The following STAB1 variants were observed in gnomAD, a reference collection of about 807,000 sequenced individuals.
The protein encoded by STAB1 is stabilin 1.
Under a neutral mutation model 332.4 loss-of-function variants are expected in STAB1, and 250 were observed. That is an observed-to-expected ratio of 0.75 (90% CI 0.68 to 0.84). STAB1 has a LOEUF of 0.84. STAB1 is among the 40% of genes least tolerant of loss of function. STAB1 has a pLI of 0.00. For missense variants in STAB1, 3,249 were observed against 3,489.7 expected (o/e 0.93, Z 1.74); for synonymous variants, 1,475 against 1,390.4 (o/e 1.06, Z -1.35).
intron 21 of STAB1, 34 bp from the exon 22 acceptor site, chr3:52,509,176 C>A: frequency 6.2e-7 from 1 of 1,601,336 alleles, no homozygotes; most frequent in South Asian, 1.1e-5. Flanking sequence ...AGTCCCTTTC[C>A]CATGACTGAT....
chr3:52,498,406 C>T (rs1017449819), intron 1 of STAB1, among the ~76,000 whole-genome samples: 10 of 152,210 alleles, frequency 6.6e-5, no homozygotes, highest in African/African-American at 1.7e-4. Flanking sequence ...GGGCTCAGAC[C>T]GCCGATGCTC....
chr3:52,519,641 T>C, intron 50 of STAB1, 77 bp downstream of exon 50: 2 of 1,565,336 alleles, frequency 1.3e-6, no homozygotes, highest in Non-Finnish European at 1.8e-6. Flanking sequence ...TGCGTACCTG[T>C]GTGTGCATAC....
At chr3:52,513,661 A>T in intron 30 of STAB1, 56 bp from the exon 31 acceptor site, 1 of 1,558,504 alleles carries the variant, frequency 6.4e-7, no homozygotes, top group South Asian at 1.1e-5. Flanking sequence ...GGGCTGCCCC[A>T]CCTTTAAGGG....
intron 44 of STAB1, 39 bp downstream of exon 44, chr3:52,517,663 G>C: frequency 9.3e-6 from 15 of 1,605,830 alleles, no homozygotes; most frequent in Non-Finnish European, 1.3e-5. Flanking sequence ...CTGACGAGAA[G>C]GAGAGGGGAC....
chr3:52,503,306 G>A (rs759272363), intron 7 of STAB1, 38 bp from the exon 8 acceptor site: 2 of 1,576,404 alleles, frequency 1.3e-6, no homozygotes, highest in African/African-American at 2.7e-5. Context: ...GGGCTCCTGG[G>A]TGCTTGGCTC....
rs1708855957 is a variant in STAB1 at position 52,506,269 on chromosome 3, T to C, written c.1830+19T>C. 1 of 1,602,886 alleles carries C rather than the reference T, an allele frequency of 6.2e-7. No homozygotes were observed. Among genetic ancestry groups the C allele is most frequent in the African/African-American group, 1.3e-5 (1 of 74,718 alleles). On this transcript the variant is annotated intron_variant, in intron 17 of 68. Coordinates refer to ENST00000321725, the MANE Select transcript of STAB1 (RefSeq NM_015136.3). The stretch of plus-strand genomic sequence containing the variant: ...TGAGGAGGTGAGGTGCACGGACACC[T>C]GGGCGGATGGTGGGGCTGGCGGTGA...
In STAB1 at chr3:52,503,986, G is replaced by A. The variant is rs756834011; in HGVS notation, c.1023-42G>A. ...AAGGCGTGGGGGGTGCGGTGGGGGG[G>A]GCCTCAGCCTCCGCCCTGACTGGCT... On this transcript the variant is annotated intron_variant, in intron 9 of 68. Transcript: ENST00000321725. The A allele has an allele frequency of 7.5e-6, 12 of 1,609,822 alleles. No individual in the cohort carries two copies. The East Asian group carries it at 8.9e-5, about 12-fold the overall frequency.
chr3:52,495,482 CA>C lies in STAB1; in HGVS notation c.70del (p.Arg24GlyfsTer11). The C allele has an allele frequency of 7.5e-7, 1 of 1,339,604 alleles. No homozygotes were observed. The highest frequency in any genetic ancestry group is 9.6e-7 in the Non-Finnish European group (1 of 1,037,906). The allele number at this position is 1,339,604 out of a possible 1,614,324, so 83.0% of individuals were successfully genotyped here. A position where few individuals can be genotyped will look rare whatever the true frequency, so the allele number is the denominator to read the frequency against. Reference protein sequence around the residue: ...AFCLAGFSFVRGQVLFKGCDV... With the variant: ...AFCLAGFSFVXGQVLFKGCDV... ...TCTGCCTGGCAGGCTTCAGCTTCGT[CA>C]GGGGGCAGGTAAGTGTGAGCCAGTC... On this transcript the variant is annotated frameshift_variant, in exon 1 of 69. Transcript: ENST00000321725. LOFTEE classifies it high-confidence loss of function.
At position 52,520,514 on chromosome 3, in the gene STAB1, C is replaced by T. The variant is rs756690334; in HGVS notation, c.5614C>T (p.Arg1872Cys). The change falls in exon 53 of 69, where the codon CGC becomes TGC. Residue 1872 changes from arginine to cysteine, a missense_variant. Transcript: ENST00000321725. ...QLLEPPGLGA[R>C]CDHFETRPLR... The stretch of plus-strand genomic sequence containing the variant: ...GCTGGAGCCACCTGGCCTTGGTGCT[C>T]GCTGTGACCACTTTGAGACCCGGCC... 1.2e-5 allele frequency: 19 copies of T among 1,612,268 alleles called. No individual in the cohort carries two copies. The highest frequency in any genetic ancestry group is 8.9e-5 in the East Asian group (4 of 44,886).
intron 48 of STAB1, 48 bp from the exon 49 acceptor site, chr3:52,519,216 C>G (rs893098580): frequency 6.3e-7 from 1 of 1,585,346 alleles, no homozygotes; most frequent in South Asian, 1.1e-5. Context: ...CCGATAGCTT[C>G]CGAGCACCCC....
At position 52,516,370 on chromosome 3, in the gene STAB1, C is replaced by T. The variant is rs2078864730; in HGVS notation, c.4159C>T (p.His1387Tyr). The change falls in exon 39 of 69, where the codon CAT (histidine) becomes TAT (tyrosine). Residue 1387 changes from histidine (H) to tyrosine (Y), a missense_variant. Physicochemically the swap from His to Tyr is moderately conservative, Grantham distance 83. Transcript: ENST00000321725. ...PNCTGVCDCA[H>Y]GLCQEGLQGD... ...TACCACTGCAGTGTGTGACTGTGCCCATGGGCTGTGCCAGGAGGGGCTGCA... is the reference window on the plus strand; with the variant it reads ...TACCACTGCAGTGTGTGACTGTGCCTATGGGCTGTGCCAGGAGGGGCTGCA... The T allele has an allele frequency of 1.2e-6, 2 of 1,609,102 alleles. No homozygotes were observed. The highest frequency in any genetic ancestry group is 1.7e-6 in the Non-Finnish European group (2 of 1,176,684).
At chr3:52,506,459 A>T (rs1708873908) in intron 17 of STAB1, among the ~76,000 whole-genome samples, 1 of 152,236 alleles carries the variant, frequency 6.6e-6, no homozygotes, top group African/African-American at 2.4e-5. Flanking sequence ...AGGAGCATGG[A>T]GCACACGGTA....
At chr3:52,511,848 C>G (rs1047493400) in intron 26 of STAB1, 103 bp downstream of exon 26, 3 of 906,642 alleles carry the variant, frequency 3.3e-6, no homozygotes, top group Non-Finnish European at 4.9e-6. Flanking sequence ...CTCTGTACCC[C>G]CTCAGGATTA....
chr3:52,511,269 A>C (rs974537312), intron 25 of STAB1, among the ~76,000 whole-genome samples: 1 of 152,274 alleles, frequency 6.6e-6, no homozygotes, highest in African/African-American at 2.4e-5. Context: ...AGAGCAGCTG[A>C]GTAGGGTGGC....
Position 52,504,098 on chromosome 3 carries a change from A to G in STAB1, c.1093A>G (p.Lys365Glu). Reference sequence around the variant, plus strand: ...CGGACACCTGCTCCACGAGGTGCAGAAGGCCACGCAGACAGGCCGGGTGTT... The same window carrying G: ...CGGACACCTGCTCCACGAGGTGCAGGAGGCCACGCAGACAGGCCGGGTGTT... ...CYGHLLHEVQ[K>E]ATQTGRVFLQ... Residue 365 changes from lysine (K) to glutamate (E), a missense_variant, in exon 10 of 69, where the codon AAG (lysine) becomes GAG (glutamate). Transcript: ENST00000321725. 6.3e-7 allele frequency: 1 copy of G among 1,589,870 alleles called. No homozygotes were observed. The highest frequency in any genetic ancestry group is 8.6e-7 in the Non-Finnish European group (1 of 1,168,576).
At chr3:52,502,584 T>C (rs1341609409) in intron 5 of STAB1, 48 bp from the exon 6 acceptor site, 2 of 1,499,252 alleles carry the variant, frequency 1.3e-6, no homozygotes, top group East Asian at 4.6e-5. Flanking sequence ...TCCCAGTGTG[T>C]GCCTGGGAGA....
At chr3:52,508,246 C>A in intron 20 of STAB1, 27 bp from the exon 21 acceptor site, 3 of 1,596,532 alleles carry the variant, frequency 1.9e-6, no homozygotes, top group Non-Finnish European at 2.6e-6. Context: ...CCCAGATGGC[C>A]TCTTGGACCT....
At chr3:52,502,944 G>C (rs1006633996) in intron 6 of STAB1, 55 bp from the exon 7 acceptor site, 6 of 1,454,462 alleles carry the variant, frequency 4.1e-6, no homozygotes, top group Admixed American at 2.3e-5. Flanking sequence ...CTTTGCCCCT[G>C]TGTTCCTCCC....
At chr3:52,518,285 A>T in intron 45 of STAB1, 27 bp from the exon 46 acceptor site, 8 of 1,611,686 alleles carry the variant, frequency 5.0e-6, no homozygotes, top group Non-Finnish European at 6.8e-6. Context: ...GGCCGCCCCA[A>T]ATCTGAGCTG....
Sources: allele counts gnomAD v4.1 joint callset (sites outside exome capture counted in the v4.1 genomes callset), GRCh38; gene constraint gnomAD v4.1.1; transcripts MANE v1.5; gene names NCBI Gene and HGNC (gene_info 2026-07-23, HGNC 2026-07-21).